Variants in FRMD4B observed in about 807,000 individuals in gnomAD.
FRMD4B encodes the protein FERM domain-containing protein 4B.
In FRMD4B, 74 loss-of-function variants were observed where a neutral mutation model predicts 141.5. The ratio of observed to expected loss-of-function variants is 0.52; its 90% CI spans 0.43 to 0.63. The LOEUF is 0.63. Among genes scored for constraint, FRMD4B ranks in the 30% least tolerant of loss-of-function variants. The pLI, the probability that FRMD4B is intolerant of heterozygous loss-of-function variation, is 0.00. For synonymous variants in FRMD4B, 506 were observed against 467.9 expected (o/e 1.08, Z -1.05); for missense variants, 1,366 against 1,253.4 (o/e 1.09, Z -1.36).
At chr3:69,525,954 C>A (rs996014077) in intron 1 of FRMD4B, among the ~76,000 whole-genome samples, 1 of 152,058 alleles carries the variant, frequency 6.6e-6, no homozygotes, top group Non-Finnish European at 1.5e-5. Flanking sequence ...CCACCATGCT[C>A]GGCCTGTTTC....
intron 1 of FRMD4B, among the ~76,000 whole-genome samples, chr3:69,443,367 T>A (rs1705367229): frequency 6.6e-6 from 1 of 152,238 alleles, no homozygotes; most frequent in Non-Finnish European, 1.5e-5. Context: ...CTGGACTTTA[T>A]ATATACATCT....
intron 19 of FRMD4B, 96 bp downstream of exon 19, chr3:69,187,674 A>G: frequency 2.6e-6 from 3 of 1,163,244 alleles, no homozygotes; most frequent in Non-Finnish European, 2.4e-6. Flanking sequence ...AAGGATAAAT[A>G]AAAACATGTG....
intron 1 of FRMD4B, among the ~76,000 whole-genome samples, chr3:69,473,781 A>G (rs1249570452): frequency 6.6e-6 from 1 of 152,200 alleles, no homozygotes; most frequent in Non-Finnish European, 1.5e-5. Flanking sequence ...AAAGCAAAGT[A>G]GCTTTGGGCA....
chr3:69,184,733 A>T (rs1258898204), intron 19 of FRMD4B, among the ~76,000 whole-genome samples: 1 of 152,178 alleles, frequency 6.6e-6, no homozygotes, highest in Non-Finnish European at 1.5e-5. Context: ...CACTTGTCTC[A>T]TGTTATCCAA....
rs11313220 is a variant in FRMD4B, at chr3:69,203,084, T to TAA, written c.877-4312_877-4311dup. Reference sequence around the variant, plus strand: ...AAATTCCCTTAACCCTAAGATGAAGTAAAAAAAAAAAAAAGTGTTGATGGT... The same window carrying TAA: ...AAATTCCCTTAACCCTAAGATGAAGTAAAAAAAAAAAAAAAAGTGTTGATGGT... On this transcript the variant is annotated intron_variant, in intron 11 of 22. Coordinates refer to ENST00000398540, the MANE Select transcript of FRMD4B (RefSeq NM_015123.3). Among the ~76,000 whole-genome samples, 290 of 137,494 alleles carry TAA rather than the reference T, an allele frequency of 2.1e-3. 2 individuals carry two copies. The highest frequency in any genetic ancestry group is 7.2e-3 in the African/African-American group (272 of 37,760). 90.2% of individuals were successfully genotyped at this position (137,494 alleles called of 152,430 possible). A position where few individuals can be genotyped will look rare whatever the true frequency, so the allele number is the denominator to read the frequency against.
chr3:69,485,163 G>A (rs371178383), intron 1 of FRMD4B, among the ~76,000 whole-genome samples: 3 of 152,336 alleles, frequency 2.0e-5, no homozygotes, highest in African/African-American at 7.2e-5. Context: ...GGGCTGGCAT[G>A]TCAGCACTGC....
intron 7 of FRMD4B, among the ~76,000 whole-genome samples, chr3:69,231,870 G>A (rs964640497): frequency 1.3e-5 from 2 of 152,174 alleles, no homozygotes; most frequent in African/African-American, 2.4e-5. Context: ...AGGATCAAAC[G>A]GGATTTCACG....
chr3:69,411,021 A>G (rs1575792558), intron 2 of FRMD4B, among the ~76,000 whole-genome samples: 1 of 152,204 alleles, frequency 6.6e-6, no homozygotes, highest in East Asian at 1.9e-4. Context: ...CATGGGCCGT[A>G]TTCTCCTGTG....
intron 11 of FRMD4B, among the ~76,000 whole-genome samples, chr3:69,205,712 C>A (rs1402914838): frequency 2.0e-5 from 3 of 152,128 alleles, no homozygotes; most frequent in Admixed American, 2.0e-4. Flanking sequence ...GAATATGATG[C>A]CCCCACAACA....
chr3:69,432,328 A>G (rs551963583), intron 2 of FRMD4B, among the ~76,000 whole-genome samples: 9 of 152,340 alleles, frequency 5.9e-5, no homozygotes, highest in African/African-American at 2.2e-4. Flanking sequence ...GCACAGCACA[A>G]TTAGTACTTT....
At chr3:69,482,773 G>A (rs746292019) in intron 1 of FRMD4B, among the ~76,000 whole-genome samples, 24 of 152,302 alleles carry the variant, frequency 1.6e-4, no homozygotes, top group East Asian at 1.2e-3. Context: ...AAATGACCTC[G>A]GGTGACCCCC....
intron 1 of FRMD4B, among the ~76,000 whole-genome samples, chr3:69,439,548 T>C (rs944132253): frequency 3.9e-5 from 6 of 152,012 alleles, no homozygotes; most frequent in African/African-American, 9.7e-5. Context: ...TGCATGAGAG[T>C]CCTAAATATT....
At chr3:69,424,370 T>G (rs1229353779) in intron 2 of FRMD4B, among the ~76,000 whole-genome samples, 2 of 152,190 alleles carry the variant, frequency 1.3e-5, no homozygotes, top group Non-Finnish European at 2.9e-5. Flanking sequence ...CATGGCTCAC[T>G]GCAGCATCGA....
chr3:69,363,697 C>T (rs116467193), intron 1 of FRMD4B, among the ~76,000 whole-genome samples: 142 of 152,278 alleles, frequency 9.3e-4, no homozygotes, highest in African/African-American at 3.2e-3. Context: ...CCCAGCCATG[C>T]CTATTTTCAA....
intron 7 of FRMD4B, among the ~76,000 whole-genome samples, chr3:69,237,653 C>A (rs1165218452): frequency 6.6e-6 from 1 of 152,216 alleles, no homozygotes; most frequent in Non-Finnish European, 1.5e-5. Context: ...CATTTCTACA[C>A]CATCTCTGGT....
chr3:69,212,368 A>AG (rs2093091467), intron 11 of FRMD4B, among the ~76,000 whole-genome samples: 2 of 72,020 alleles, frequency 2.8e-5, no homozygotes, highest in African/African-American at 8.8e-5. Flanking sequence ...TCAAAAAAAA[A>AG]AAAAAAAAAA....
At chr3:69,446,591 A>G (rs954462808) in intron 1 of FRMD4B, among the ~76,000 whole-genome samples, 2 of 152,150 alleles carry the variant, frequency 1.3e-5, no homozygotes, top group African/African-American at 4.8e-5. Flanking sequence ...TGGCCTCTCA[A>G]AATGCTGAGA....
intron 1 of FRMD4B, chr3:69,334,348 G>C (rs1702471998): frequency 6.6e-6 from 1 of 151,806 alleles, no homozygotes; most frequent in Non-Finnish European, 1.5e-5. Context: ...AAAATGGTGG[G>C]GAGGCCAGGT....
chr3:69,199,388 C>T (rs1255879966), intron 11 of FRMD4B: 1 of 152,234 alleles, frequency 6.6e-6, no homozygotes, highest in Non-Finnish European at 1.5e-5. Context: ...AGGAAATCTG[C>T]ACAGATTCCA....
Sources: gnomAD v4.1 joint callset for allele counts (sites outside exome capture counted in the v4.1 genomes callset) on GRCh38, gnomAD v4.1.1 for gene constraint, MANE v1.5 for transcripts, NCBI Gene and HGNC (gene_info 2026-07-23, HGNC 2026-07-21) for gene names.